IFT172: variants seen among roughly 807,000 people sequenced by gnomAD.
The protein encoded by IFT172 is intraflagellar transport protein 172 homolog.
In IFT172, 164 loss-of-function variants were observed where a neutral mutation model predicts 248.9. The ratio of observed to expected loss-of-function variants is 0.66; its 90% CI spans 0.58 to 0.75. The LOEUF (loss-of-function observed/expected upper bound fraction) is 0.75, where lower values mean the gene tolerates loss of function less well. Ranked by LOEUF, IFT172 falls within the 30% of genes least tolerant of loss-of-function variation. The probability of loss-of-function intolerance (pLI) is 0.00; values close to 1 mark genes in which losing one functional copy is unlikely to be tolerated. For synonymous variants in IFT172, 729 were observed against 791.6 expected, an observed-to-expected ratio of 0.92 and a Z score of 1.33; for missense variants, 1,950 against 2,192.4, an observed-to-expected ratio of 0.89 and a Z score of 2.21.
intron 18 of IFT172, 125 bp downstream of exon 18, chr2:27,465,286 C>G: frequency 1.3e-6 from 1 of 756,316 alleles, no homozygotes; most frequent in Admixed American, 2.0e-5. Context: ...GGGCTCTATG[C>G]TATTTGCTGG....
intron 42 of IFT172, 170 bp from the exon 43 acceptor site, chr2:27,446,525 G>GAAAAA: frequency 1.7e-6 from 1 of 573,448 alleles, no homozygotes; most frequent in Non-Finnish European, 3.1e-6. Flanking sequence ...CTCTGAACAA[G>GAAAAA]ACACCTGGGC....
rs1476374494 is a variant in IFT172 at position 27,471,974 on chromosome 2, G to T, written c.1524+276C>A. 12 of 476,170 alleles carry T rather than the reference G, an allele frequency of 2.5e-5. No homozygotes were observed. In the Admixed American group the frequency reaches 3.0e-4, roughly 12 times the overall value. The allele number at this position is 476,170 out of a possible 1,614,324, so 29.5% of individuals were successfully genotyped here. A position where few individuals can be genotyped will look rare whatever the true frequency, so the allele number is the denominator to read the frequency against. On this transcript the variant is annotated intron_variant, in intron 15 of 47. Transcript: ENST00000260570. ...AATCACTTGAACCCGGGAGGCAGAAGTTGCAGTGAGCCCAGATTGTACCAC... is the reference window on the plus strand; with the variant it reads ...AATCACTTGAACCCGGGAGGCAGAATTTGCAGTGAGCCCAGATTGTACCAC...
chr2:27,485,699 C>T lies in IFT172; in HGVS notation c.40-196G>A, dbSNP rs115773832. On this transcript the variant is annotated intron_variant, in intron 1 of 47. Transcript: ENST00000260570. ...CCTGGACTGTGAGAACAACAGGCTT[C>T]TAGAGACTCATATGCAAATGCACTA... is the stretch of plus-strand genomic sequence containing the variant. 3.3e-3 allele frequency among the ~76,000 whole-genome samples: 500 copies of T among 152,322 alleles called. 1 individual carries two copies. The highest frequency in any genetic ancestry group is 0.012 in the African/African-American group (489 of 41,586).
At position 27,453,913 on chromosome 2, in the gene IFT172, C is replaced by T. The variant is rs1558365597; in HGVS notation, c.3711+69G>A. 5.4e-6 allele frequency: 8 copies of T among 1,494,420 alleles called. No individual in the cohort carries two copies. In the South Asian group the frequency reaches 7.2e-5, roughly 13 times the overall value. 92.6% of individuals were successfully genotyped at this position (1,494,420 alleles called of 1,614,324 possible). On this transcript the variant is annotated intron_variant, in intron 33 of 47. Coordinates refer to ENST00000260570, the MANE Select transcript of IFT172 (RefSeq NM_015662.3). ...CCTGATCTTTCTTCATACCAGGGGT[C>T]AGTGTGGCTCTCTGTGGGCTCTTAC... is the stretch of plus-strand genomic sequence containing the variant.
Position 27,465,477 on chromosome 2 carries a change from G to C in IFT172, c.1871C>G (p.Thr624Arg). 6.2e-7 allele frequency: 1 copy of C among 1,614,088 alleles called. No homozygotes were observed. The highest frequency in any genetic ancestry group is 1.3e-5 in the African/African-American group (1 of 75,006). Residue 624 changes from threonine (T) to arginine (R), a missense_variant, in exon 18 of 48, where the codon ACA (threonine) becomes AGA (arginine). By Grantham distance (71) the Thr-to-Arg change is moderately conservative. Coordinates refer to ENST00000260570, the MANE Select transcript of IFT172 (RefSeq NM_015662.3). ...ACTCAAGGTTTTCCACATTGCCTCT[G>C]TTTCTGGGGTCATTTCCAGAGTCTC... Reference protein sequence around the residue: ...FLETLEMTPETEAMWKTLSKL... With the variant: ...FLETLEMTPEREAMWKTLSKL...
chr2:27,472,176 C>T, intron 15 of IFT172, 74 bp downstream of exon 15: 1 of 993,416 alleles, frequency 1.0e-6, no homozygotes. Context: ...CTGCCTCCCT[C>T]AGTCCCTGGT....
intron 35 of IFT172, 36 bp downstream of exon 35, chr2:27,453,348 G>A (rs764723004): frequency 1.2e-6 from 2 of 1,613,684 alleles, no homozygotes; most frequent in East Asian, 4.5e-5. Flanking sequence ...AGAGGCCTAG[G>A]GAGAAGGAGG....
intron 15 of IFT172, 144 bp downstream of exon 15, chr2:27,472,106 T>C (rs1319928502): frequency 1.5e-6 from 1 of 671,286 alleles, no homozygotes; most frequent in Non-Finnish European, 2.7e-6. Context: ...CTACAGAGAA[T>C]GTTGATTCTT....
chr2:27,447,753 T>C, intron 41 of IFT172, 59 bp downstream of exon 41: 1 of 1,601,350 alleles, frequency 6.2e-7, no homozygotes, highest in Non-Finnish European at 8.6e-7. Flanking sequence ...TAAAGGTTTA[T>C]GTGCATCAAA....
At chr2:27,460,931 G>A (rs1228136551) in intron 23 of IFT172, 84 bp downstream of exon 23, 4 of 1,518,916 alleles carry the variant, frequency 2.6e-6, no homozygotes, top group Admixed American at 1.7e-5. Context: ...GTGTGTAGGG[G>A]CAACCCACCC....
At position 27,476,656 on chromosome 2, in the gene IFT172, TAATATC is replaced by T. The variant is rs587777084; in HGVS notation, c.1390_1395del (p.Asp464_Ile465del). The stretch of plus-strand genomic sequence containing the variant: ...TCTTACTCACCTATAGCAATAGTCT[TAATATC>T]AATAAGATAAGCCAATTTCTTATTA... On this transcript the variant is annotated inframe_deletion, in exon 14 of 48. Transcript: ENST00000260570. 3.8e-6 allele frequency: 6 copies of T among 1,585,912 alleles called. No homozygotes were observed. Among genetic ancestry groups the T allele is most frequent in the South Asian group, 2.2e-5 (2 of 90,378 alleles).
chr2:27,454,476 G>C lies in IFT172; in HGVS notation c.3466-58C>G, dbSNP rs1665988704. On this transcript the variant is annotated intron_variant, in intron 31 of 47. Coordinates refer to ENST00000260570, the MANE Select transcript of IFT172 (RefSeq NM_015662.3). This position sits in a 1 kb window ranked among gnomAD's most constrained non-coding sequence, Gnocchi z 4.2. Reference sequence around the variant, plus strand: ...AGAAGGAGACTGGCATCACAGGCAGGCATGAGACTGGGGGTCTGCACACCC... The same window carrying C: ...AGAAGGAGACTGGCATCACAGGCAGCCATGAGACTGGGGGTCTGCACACCC... The C allele has an allele frequency of 5.6e-6, 9 of 1,612,848 alleles. No homozygotes were observed. The South Asian group carries it at 9.9e-5, about 18-fold the overall frequency.
chr2:27,474,120 A>T (rs1205996914), intron 14 of IFT172, among the ~76,000 whole-genome samples: 1 of 152,130 alleles, frequency 6.6e-6, no homozygotes, highest in East Asian at 1.9e-4. Flanking sequence ...GAACTCTGTC[A>T]TTTTACATAC....
intron 35 of IFT172, among the ~76,000 whole-genome samples, chr2:27,452,947 G>A (rs914802719): frequency 8.5e-5 from 13 of 152,128 alleles, no homozygotes; most frequent in African/African-American, 3.1e-4. Flanking sequence ...ATGTTGGGTG[G>A]GGGAGGTGGA....
chr2:27,453,596 C>G (rs1432486294), intron 34 of IFT172, 34 bp downstream of exon 34: 8 of 1,606,540 alleles, frequency 5.0e-6, no homozygotes, highest in Non-Finnish European at 6.8e-6. Context: ...CCCTCCCAGC[C>G]CTGCCAATGC....
intron 23 of IFT172, among the ~76,000 whole-genome samples, 177 bp downstream of exon 23, chr2:27,460,838 C>T (rs929266951): frequency 4.9e-5 from 7 of 144,132 alleles, no homozygotes; most frequent in Non-Finnish European, 9.1e-5. Flanking sequence ...TCCCCGGGTC[C>T]CCTTATTTCT....
chr2:27,457,631 C>T lies in IFT172; in HGVS notation c.3228+8G>A. 6.2e-7 allele frequency: 1 copy of T among 1,610,538 alleles called. No individual in the cohort carries two copies. Among genetic ancestry groups the T allele is most frequent in the East Asian group, 2.2e-5 (1 of 44,862 alleles). On this transcript the variant is annotated splice_region_variant and intron_variant, in intron 29 of 47. Coordinates refer to ENST00000260570, the MANE Select transcript of IFT172 (RefSeq NM_015662.3). ...GATGTATCCCTCAGTGTGGCCTGAA[C>T]TCCTTACCCTGTAGGCCTCTTCCCA... is the stretch of plus-strand genomic sequence containing the variant.
chr2:27,475,295 C>G (rs532098598), intron 14 of IFT172, among the ~76,000 whole-genome samples: 9 of 152,310 alleles, frequency 5.9e-5, no homozygotes, highest in African/African-American at 2.2e-4. Context: ...GTTGAAGACA[C>G]AGCTCCTCTA....
intron 3 of IFT172, among the ~76,000 whole-genome samples, 180 bp downstream of exon 3, chr2:27,484,838 G>A (rs534397281): frequency 1.3e-5 from 2 of 152,310 alleles, no homozygotes; most frequent in Admixed American, 1.3e-4. Flanking sequence ...CTCCAGGGAT[G>A]GGATTGAAGA....
Sources: gnomAD v4.1 joint callset for allele counts (sites outside exome capture counted in the v4.1 genomes callset) on GRCh38, gnomAD v4.1.1 for gene constraint, Gnocchi (gnomAD v3.1) non-coding constraint, MANE v1.5 for transcripts, NCBI Gene and HGNC (gene_info 2026-07-23, HGNC 2026-07-21) for gene names.